CD244: variants seen among roughly 807,000 people sequenced by gnomAD.
The protein encoded by CD244 is natural killer cell receptor 2B4.
A neutral mutation model predicts 45.5 loss-of-function variants in CD244; 20 were observed. The ratio of observed to expected loss-of-function variants is 0.44; its 90% confidence interval spans 0.31 to 0.64. CD244 has a LOEUF of 0.64. CD244 is among the 30% of genes least tolerant of loss of function. The probability of loss-of-function intolerance (pLI) is 0.08; values close to 1 mark genes in which losing one functional copy is unlikely to be tolerated. For synonymous variants in CD244, 185 were observed against 160.5 expected, an observed-to-expected ratio of 1.15 and a Z score of -1.15; for missense variants, 407 against 426.9, an observed-to-expected ratio of 0.95 and a Z score of 0.41.
chr1:160,848,564 G>T, intron 1 of CD244: 1 of 394,592 alleles, frequency 2.5e-6, no homozygotes, highest in South Asian at 2.0e-5. Flanking sequence ...TCTAGAGAAA[G>T]AAATGCTACA....
intron 1 of CD244, among the ~76,000 whole-genome samples, chr1:160,845,584 G>A (rs571446719): frequency 2.6e-5 from 4 of 152,280 alleles, no homozygotes; most frequent in African/African-American, 7.2e-5. Context: ...AGCTGGGCAC[G>A]GTGGCTCACG....
At chr1:160,859,927 C>T (rs1011803873) in intron 1 of CD244, among the ~76,000 whole-genome samples, 3 of 151,768 alleles carry the variant, frequency 2.0e-5, no homozygotes, top group Non-Finnish European at 2.9e-5. Context: ...AATAATAGGC[C>T]GGGCACAGTG....
At chr1:160,855,916 T>C (rs60755678) in intron 1 of CD244, among the ~76,000 whole-genome samples, 59,945 of 152,062 alleles carry the variant, frequency 0.39, 12,202 homozygotes, top group East Asian at 0.54. Context: ...CCTGAGCCCA[T>C]GTGCAGAGCT....
At chr1:160,847,586 C>T (rs1669779219) in intron 1 of CD244, among the ~76,000 whole-genome samples, 1 of 151,930 alleles carries the variant, frequency 6.6e-6, no homozygotes, top group East Asian at 1.9e-4. Context: ...ACATAAGAAA[C>T]ATATTTCTAA....
At chr1:160,832,608 T>C (rs763768085) in intron 7 of CD244, 33 bp from the exon 8 acceptor site, 1 of 1,609,578 alleles carries the variant, frequency 6.2e-7, no homozygotes, top group African/African-American at 1.3e-5. Flanking sequence ...ATACTTAACT[T>C]CGAGATAAGT....
At chr1:160,833,961 A>G (rs1669229064) in intron 7 of CD244, 90 bp downstream of exon 7, 1 of 894,400 alleles carries the variant, frequency 1.1e-6, no homozygotes, top group African/African-American at 1.7e-5. Context: ...ACAACTTGCC[A>G]GGATGTGCAC....
At chr1:160,832,864 GTGTGTGTA>G (rs751622513) in intron 7 of CD244, 60 of 329,720 alleles carry the variant, frequency 1.8e-4, no homozygotes, top group Non-Finnish European at 6.3e-5. Context: ...ATATGTGTGT[GTGTGTGTA>G]TATATATATA....
intron 3 of CD244, among the ~76,000 whole-genome samples, 197 bp downstream of exon 3, chr1:160,841,013 A>G (rs577702375): frequency 6.6e-6 from 1 of 152,048 alleles, no homozygotes; most frequent in Non-Finnish European, 1.5e-5. Context: ...TAGGGATAAC[A>G]TTTTTTTCCA....
intron 1 of CD244, among the ~76,000 whole-genome samples, chr1:160,843,074 T>G (rs949712064): frequency 6.6e-6 from 1 of 152,198 alleles, no homozygotes; most frequent in Non-Finnish European, 1.5e-5. Context: ...GGTTTTTATA[T>G]GTCCAGTGCA....
At chr1:160,860,946 C>T (rs73023999) in intron 1 of CD244, among the ~76,000 whole-genome samples, 1,546 of 152,320 alleles carry the variant, frequency 0.01, 24 homozygotes, top group African/African-American at 0.036. Context: ...AAGTCACTCA[C>T]CAGCTTCACC....
intron 5 of CD244, among the ~76,000 whole-genome samples, chr1:160,836,682 C>A (rs1223938156): frequency 2.0e-5 from 3 of 152,176 alleles, no homozygotes; most frequent in African/African-American, 7.2e-5. Flanking sequence ...TTGCCCTTGA[C>A]CTCAAGTCAG....
At chr1:160,861,211 A>G (rs1454658061) in intron 1 of CD244, among the ~76,000 whole-genome samples, 1 of 151,940 alleles carries the variant, frequency 6.6e-6, no homozygotes, top group African/African-American at 2.4e-5. Flanking sequence ...AGGCCCCCCA[A>G]CCCACCCACA....
chr1:160,859,843 G>A (rs1226979839), intron 1 of CD244, among the ~76,000 whole-genome samples: 1 of 151,650 alleles, frequency 6.6e-6, no homozygotes, highest in African/African-American at 2.4e-5. Flanking sequence ...CTGCGAGGTC[G>A]AGGCTACAGT....
chr1:160,857,121 T>C (rs1670137061), intron 1 of CD244, among the ~76,000 whole-genome samples: 1 of 152,242 alleles, frequency 6.6e-6, no homozygotes, highest in Admixed American at 6.5e-5. Context: ...TCCCTTGCCT[T>C]TGGCCTCTTG....
At chr1:160,847,264 T>C (rs1271940898) in intron 1 of CD244, among the ~76,000 whole-genome samples, 1 of 152,020 alleles carries the variant, frequency 6.6e-6, no homozygotes, top group East Asian at 1.9e-4. Context: ...TGGAGAGTTT[T>C]ATTACATCTG....
intron 5 of CD244, among the ~76,000 whole-genome samples, chr1:160,836,843 A>C (rs1297358737): frequency 1.3e-5 from 2 of 152,098 alleles, no homozygotes; most frequent in Non-Finnish European, 2.9e-5. Flanking sequence ...GCATATTGCC[A>C]GTTTGGGTTC....
At chr1:160,847,586 CAT>C (rs1299344654) in intron 1 of CD244, among the ~76,000 whole-genome samples, 2 of 151,930 alleles carry the variant, frequency 1.3e-5, no homozygotes, top group Non-Finnish European at 2.9e-5. Flanking sequence ...ACATAAGAAA[CAT>C]ATTTCTAAAA....
chr1:160,833,944 A>G (rs745847358), intron 7 of CD244, 107 bp downstream of exon 7: 25 of 786,144 alleles, frequency 3.2e-5, no homozygotes, highest in Non-Finnish European at 5.1e-5. Flanking sequence ...GATACACACA[A>G]TAAAGAACAA....
chr1:160,862,737 C>CG lies in CD244; in HGVS notation c.-61dup. The CG allele has an allele frequency of 1.3e-6, 2 of 1,513,128 alleles. No homozygotes were observed. The highest frequency in any genetic ancestry group is 1.8e-6 in the Non-Finnish European group (2 of 1,094,674). 93.7% of individuals were successfully genotyped at this position (1,513,128 alleles called of 1,614,324 possible). A position where few individuals can be genotyped will look rare whatever the true frequency, so the allele number is the denominator to read the frequency against. Reference sequence around the variant, plus strand: ...ACCCCACCAGACTCTCTGCCGTGCACGGGCTCAGCAGTCCCCAGTCAGCAA... The same window carrying CG: ...ACCCCACCAGACTCTCTGCCGTGCACGGGGCTCAGCAGTCCCCAGTCAGCAA... On this transcript the variant is annotated 5_prime_UTR_variant, in exon 1 of 9. Coordinates refer to ENST00000368034, the MANE Select transcript of CD244 (RefSeq NM_016382.4).
Sources: allele counts gnomAD v4.1 joint callset (sites outside exome capture counted in the v4.1 genomes callset), GRCh38; gene constraint gnomAD v4.1.1; transcripts MANE v1.5; gene names NCBI Gene and HGNC (gene_info 2026-07-23, HGNC 2026-07-21).